RERE: variants seen among roughly 807,000 people sequenced by gnomAD.
RERE encodes arginine-glutamic acid dipeptide repeats protein.
RERE carries 40 observed loss-of-function variants against 146.1 expected under a neutral mutation model. The ratio of observed to expected loss-of-function variants is 0.27; its 90% CI spans 0.21 to 0.36. RERE has a LOEUF of 0.36. RERE is among the 10% of genes least tolerant of loss of function. The pLI is 1.00. For synonymous variants in RERE, 1,003 were observed against 866.0 expected (o/e 1.16, Z -2.78); for missense variants, 1,933 against 2,138.7 (o/e 0.90, Z 1.90).
chr1:8,447,433 T>C (rs1644336270), intron 11 of RERE, among the ~76,000 whole-genome samples: 1 of 152,230 alleles, frequency 6.6e-6, no homozygotes, highest in South Asian at 2.1e-4. Context: ...TTCGTGGATG[T>C]GTCTACCTTT....
chr1:8,654,640 GT>G (rs556447662), intron 2 of RERE, among the ~76,000 whole-genome samples: 17 of 141,752 alleles, frequency 1.2e-4, no homozygotes, highest in Admixed American at 1.4e-4. Flanking sequence ...GTTTTTTTTT[GT>G]TTTTTTTTTT....
intron 1 of RERE, among the ~76,000 whole-genome samples, chr1:8,726,147 C>CTTTTTTTTTTTTTT (rs70985511): frequency 1.5e-3 from 103 of 69,404 alleles, no homozygotes; most frequent in Non-Finnish European, 2.0e-3. Flanking sequence ...TTTTTCTTTT[C>CTTTTTTTTTTTTTT]TTTTTTTTTT....
chr1:8,677,299 C>T (rs1215676403), intron 1 of RERE, among the ~76,000 whole-genome samples: 4 of 151,720 alleles, frequency 2.6e-5, no homozygotes, highest in Non-Finnish European at 5.9e-5. Context: ...CGTGGTGGCA[C>T]GTGCCTGTAA....
Position 8,746,700 on chromosome 1 carries a change from T to C in RERE, c.-145+70460A>G, listed in dbSNP as rs867149543. The stretch of plus-strand genomic sequence containing the variant: ...GTGGTCTGACTTACATTACAATTAA[T>C]TGTACTCAGGGCCAAAGAAACAGTT... On this transcript the variant is annotated intron_variant, in intron 1 of 22. Coordinates refer to ENST00000400908, the MANE Select transcript of RERE (RefSeq NM_001042681.2). Among the ~76,000 whole-genome samples, 3 of 151,504 alleles carry C rather than the reference T, an allele frequency of 2.0e-5. No homozygotes were observed. In the South Asian group the frequency reaches 6.3e-4, roughly 32 times the overall value.
At chr1:8,369,676 T>C (rs1641956211) in intron 12 of RERE, among the ~76,000 whole-genome samples, 1 of 152,018 alleles carries the variant, frequency 6.6e-6, no homozygotes, top group Non-Finnish European at 1.5e-5. Flanking sequence ...AAATACAGAA[T>C]GCTCAAACCA....
chr1:8,508,841 C>T (rs889350191), intron 7 of RERE, among the ~76,000 whole-genome samples, 166 bp from the exon 8 acceptor site: 2 of 152,214 alleles, frequency 1.3e-5, no homozygotes, highest in African/African-American at 4.8e-5. Context: ...CACCCACCAC[C>T]ACACATGCAC....
intron 1 of RERE, chr1:8,750,717 G>C: frequency 3.8e-6 from 3 of 799,142 alleles, no homozygotes; most frequent in Non-Finnish European, 6.7e-6. Flanking sequence ...AGGACCAGAG[G>C]TATCAATGGT....
chr1:8,472,703 A>G (rs1203019187), intron 10 of RERE, among the ~76,000 whole-genome samples: 2 of 152,198 alleles, frequency 1.3e-5, no homozygotes, highest in Non-Finnish European at 2.9e-5. Flanking sequence ...ACCAAGATAA[A>G]GCATCTTGAC....
At chr1:8,471,804 G>A (rs1570294597) in intron 10 of RERE, among the ~76,000 whole-genome samples, 1 of 152,006 alleles carries the variant, frequency 6.6e-6, no homozygotes, top group East Asian at 1.9e-4. Context: ...ATGAGCCACT[G>A]CACCTGCCCC....
chr1:8,773,526 T>TA (rs1640996224), intron 1 of RERE, among the ~76,000 whole-genome samples: 1 of 151,942 alleles, frequency 6.6e-6, no homozygotes, highest in South Asian at 2.1e-4. Flanking sequence ...AAACCCCATG[T>TA]AAAAAAATAC....
intron 12 of RERE, among the ~76,000 whole-genome samples, chr1:8,384,419 C>T (rs1557602026): frequency 6.6e-6 from 1 of 152,136 alleles, no homozygotes; most frequent in Non-Finnish European, 1.5e-5. Flanking sequence ...TACTAAAACA[C>T]CTGTATCTTA....
intron 12 of RERE, among the ~76,000 whole-genome samples, chr1:8,380,397 G>A (rs964039693): frequency 2.0e-5 from 3 of 151,618 alleles, no homozygotes; most frequent in Admixed American, 2.0e-4. Flanking sequence ...TGCCCAGGCT[G>A]GAGTGCAGTG....
intron 1 of RERE, among the ~76,000 whole-genome samples, chr1:8,720,027 C>A (rs752964085): frequency 6.6e-6 from 1 of 151,774 alleles, no homozygotes; most frequent in Non-Finnish European, 1.5e-5. Flanking sequence ...TGCTTTGGGG[C>A]GGCTGAGGCG....
chr1:8,360,395 G>C lies in RERE; in HGVS notation c.3112C>G (p.Pro1038Ala). 7.1e-7 allele frequency: 1 copy of C among 1,416,124 alleles called. No individual in the cohort carries two copies. The highest frequency in any genetic ancestry group is 9.2e-7 in the Non-Finnish European group (1 of 1,086,888). 87.7% of individuals were successfully genotyped at this position (1,416,124 alleles called of 1,614,324 possible). The change falls in exon 18 of 23, where the codon CCC becomes GCC. Residue 1038 changes from proline (P) to alanine (A), a missense_variant. By Grantham distance (27) the Pro-to-Ala change is conservative (BLOSUM62 -1). Coordinates refer to ENST00000400908, the MANE Select transcript of RERE (RefSeq NM_001042681.2). ...VAPQPPFAQH[P>A]FVPGGPPPIT... The stretch of plus-strand genomic sequence containing the variant: ...GGAGGAGGGCCTCCAGGGACAAAGG[G>C]GTGCTGAGCAAACGGGGGTTGGGGG...
At chr1:8,530,033 C>T (rs1645622291) in intron 7 of RERE, among the ~76,000 whole-genome samples, 1 of 152,130 alleles carries the variant, frequency 6.6e-6, no homozygotes, top group African/African-American at 2.4e-5. Context: ...CTCACTCCTG[C>T]CACCACATTT....
intron 1 of RERE, among the ~76,000 whole-genome samples, chr1:8,705,556 C>T (rs1639541076): frequency 6.6e-6 from 1 of 152,156 alleles, no homozygotes; most frequent in Non-Finnish European, 1.5e-5. Context: ...GAACTGTGTT[C>T]CTCCTTCACA....
chr1:8,439,114 A>C (rs1644211140), intron 11 of RERE, among the ~76,000 whole-genome samples: 1 of 152,224 alleles, frequency 6.6e-6, no homozygotes, highest in Non-Finnish European at 1.5e-5. Context: ...ACAAGGGGGA[A>C]GTCTGAGAAC....
rs1171064344 is a variant in RERE, at chr1:8,663,883, C to CCCG, written c.-144-7445_-144-7443dup. On this transcript the variant is annotated intron_variant, in intron 1 of 22. Transcript: ENST00000400908. ...AACCCAACTGCTGGGAATACTGTTC[C>CCCG]CCGCCCCTTTGTCTGTGTACCTTCT... 3.9e-5 allele frequency among the ~76,000 whole-genome samples: 6 copies of CCCG among 152,246 alleles called. No homozygotes were observed. In the East Asian group the frequency reaches 1.2e-3, roughly 29 times the overall value.
At chr1:8,448,091 C>G (rs1644344637) in intron 11 of RERE, among the ~76,000 whole-genome samples, 1 of 152,196 alleles carries the variant, frequency 6.6e-6, no homozygotes, top group South Asian at 2.1e-4. Flanking sequence ...TCCAAGTCCA[C>G]CACTGCCATT....
Sources: allele counts gnomAD v4.1 joint callset (sites outside exome capture counted in the v4.1 genomes callset), GRCh38; gene constraint gnomAD v4.1.1; transcripts MANE v1.5; gene names NCBI Gene and HGNC (gene_info 2026-07-23, HGNC 2026-07-21).